Variants in MND1 observed in about 807,000 individuals in gnomAD.
MND1 encodes meiotic nuclear division protein 1 homolog.
Under a neutral mutation model 35.1 loss-of-function variants are expected in MND1, and 28 were observed. The observed-to-expected ratio is 0.80, with a 90% confidence interval of 0.59 to 1.09. MND1 has a LOEUF of 1.09. Among genes scored for constraint, MND1 ranks in the 50% least tolerant of loss-of-function variants. The pLI, the probability that MND1 is intolerant of heterozygous loss-of-function variation, is 0.00. For synonymous variants in MND1, 69 were observed against 70.5 expected (o/e 0.98, Z 0.11); for missense variants, 213 against 239.6 (o/e 0.89, Z 0.73).
intron 4 of MND1, among the ~76,000 whole-genome samples, chr4:153,376,031 A>G (rs2149642966): frequency 6.6e-6 from 1 of 152,284 alleles, no homozygotes; most frequent in South Asian, 2.1e-4. Flanking sequence ...CTCCTGAAAT[A>G]TATGTAAATT....
chr4:153,379,516 G>A (rs1163247507), intron 4 of MND1, among the ~76,000 whole-genome samples: 1 of 151,570 alleles, frequency 6.6e-6, no homozygotes, highest in Non-Finnish European at 1.5e-5. Context: ...CAGCTTGACC[G>A]TGATAGCAAG....
At chr4:153,356,457 G>A (rs1304860156) in intron 3 of MND1, among the ~76,000 whole-genome samples, 2 of 147,002 alleles carry the variant, frequency 1.4e-5, no homozygotes, top group Non-Finnish European at 3.0e-5. Flanking sequence ...GGAGGCTGAG[G>A]CAGGAGAATG....
intron 4 of MND1, among the ~76,000 whole-genome samples, chr4:153,373,173 C>T (rs1773833281): frequency 6.6e-6 from 1 of 151,750 alleles, no homozygotes; most frequent in Non-Finnish European, 1.5e-5. Flanking sequence ...GTGTCTAGAC[C>T]ATTTACATTT....
intron 4 of MND1, among the ~76,000 whole-genome samples, chr4:153,377,172 TA>T (rs1450367811): frequency 1.3e-5 from 2 of 152,184 alleles, no homozygotes; most frequent in African/African-American, 2.4e-5. Context: ...ACATATTTTT[TA>T]GGGATTGGCT....
At chr4:153,376,992 C>G (rs1728528776) in intron 4 of MND1, among the ~76,000 whole-genome samples, 1 of 152,176 alleles carries the variant, frequency 6.6e-6, no homozygotes, top group Non-Finnish European at 1.5e-5. Flanking sequence ...ATTAATATGG[C>G]AGCAAGTCTA....
At chr4:153,348,033 A>G (rs1207900041) in intron 1 of MND1, among the ~76,000 whole-genome samples, 2 of 152,212 alleles carry the variant, frequency 1.3e-5, no homozygotes, top group Non-Finnish European at 2.9e-5. Flanking sequence ...ATGTTTTCCC[A>G]GTGCGGAATG....
At chr4:153,355,358 AT>A (rs982970368) in intron 2 of MND1, among the ~76,000 whole-genome samples, 3 of 152,152 alleles carry the variant, frequency 2.0e-5, no homozygotes, top group African/African-American at 7.2e-5. Context: ...GTATATATAA[AT>A]ATGTAGTAGA....
intron 2 of MND1, 129 bp downstream of exon 2, chr4:153,350,258 C>T (rs1773182212): frequency 1.6e-6 from 1 of 640,044 alleles, no homozygotes; most frequent in East Asian, 2.8e-5. Context: ...GGGTAAGATT[C>T]TGCAAATATT....
intron 1 of MND1, among the ~76,000 whole-genome samples, chr4:153,346,062 G>C (rs575386323): frequency 6.6e-6 from 1 of 152,302 alleles, no homozygotes; most frequent in Non-Finnish European, 1.5e-5. Flanking sequence ...TAAAGCTTTT[G>C]ATAAGATGTG....
chr4:153,397,652 A>AC (rs1729234958), intron 6 of MND1, among the ~76,000 whole-genome samples: 1 of 134,848 alleles, frequency 7.4e-6, no homozygotes, highest in Non-Finnish European at 1.6e-5. Context: ...TCCCATCTCT[A>AC]CAAAAAAAAA....
chr4:153,360,744 TATATACACATATATACACACATATAC>T (rs1197160941), intron 4 of MND1, among the ~76,000 whole-genome samples: 1 of 147,550 alleles, frequency 6.8e-6, no homozygotes, highest in Non-Finnish European at 1.5e-5. Context: ...TGTGTATATG[TATATACACATATATACACACATATAC>T]ATATACACAT....
At chr4:153,412,644 G>A (rs1471303025) in intron 7 of MND1, among the ~76,000 whole-genome samples, 14 of 143,964 alleles carry the variant, frequency 9.7e-5, no homozygotes, top group East Asian at 6.4e-4. Flanking sequence ...CACCATGCCC[G>A]GCTAATTTTT....
chr4:153,371,031 GTATATC>G (rs969629410), intron 4 of MND1, among the ~76,000 whole-genome samples: 37 of 152,170 alleles, frequency 2.4e-4, no homozygotes, highest in African/African-American at 8.7e-4. Context: ...TAATCTCCTT[GTATATC>G]TTCCTCAGAG....
At chr4:153,393,175 A>AT (rs1387696338) in intron 4 of MND1, among the ~76,000 whole-genome samples, 2 of 152,008 alleles carry the variant, frequency 1.3e-5, no homozygotes, top group South Asian at 2.1e-4. Flanking sequence ...ACAGGCTAAC[A>AT]TTTTTTTCTT....
intron 6 of MND1, among the ~76,000 whole-genome samples, chr4:153,400,420 G>A (rs1283673293): frequency 6.6e-6 from 1 of 152,126 alleles, no homozygotes; most frequent in African/African-American, 2.4e-5. Context: ...AGGCACAGTG[G>A]CTCATGCCTG....
At position 153,344,696 on chromosome 4, in the gene MND1, C is replaced by T. The variant is rs1773024931; in HGVS notation, c.-42C>T. 2 of 1,567,778 alleles carry T rather than the reference C, an allele frequency of 1.3e-6. No individual in the cohort carries two copies. The highest frequency in any genetic ancestry group is 1.5e-5 in the African/African-American group (1 of 68,154). On this transcript the variant is annotated 5_prime_UTR_variant, in exon 1 of 8. Transcript: ENST00000240488. ...GTCCTGGCCTGTCCCGCCCCTCTCC[C>T]CAAGCGCGGGCCCGGCCAGCGGAAG...
chr4:153,394,870 A>G (rs1367746462), intron 5 of MND1, among the ~76,000 whole-genome samples: 1 of 152,128 alleles, frequency 6.6e-6, no homozygotes, highest in Non-Finnish European at 1.5e-5. Context: ...AAAGTACAAT[A>G]TTTTTCTAAG....
chr4:153,376,938 G>A (rs1314459711), intron 4 of MND1, among the ~76,000 whole-genome samples: 1 of 152,204 alleles, frequency 6.6e-6, no homozygotes, highest in Non-Finnish European at 1.5e-5. Flanking sequence ...TAAAGGGTAT[G>A]AAGTTATTCT....
chr4:153,396,857 T>C lies in MND1; in HGVS notation c.352-362T>C, dbSNP rs150145774. ...TGTCTTAAAATGTTACTTACACATA[T>C]AGACATAATCTTGTGAAACTACTCA... is the stretch of plus-strand genomic sequence containing the variant. On this transcript the variant is annotated intron_variant, in intron 5 of 7. Coordinates refer to ENST00000240488, the MANE Select transcript of MND1 (RefSeq NM_032117.4). Among the ~76,000 whole-genome samples the C allele has an allele frequency of 3.1e-3, 468 of 152,304 alleles. 3 individuals carry two copies. The highest frequency in any genetic ancestry group is 5.1e-3 in the Non-Finnish European group (346 of 68,016).
Sources: allele counts gnomAD v4.1 joint callset (sites outside exome capture counted in the v4.1 genomes callset), GRCh38; gene constraint gnomAD v4.1.1; transcripts MANE v1.5; gene names NCBI Gene and HGNC (gene_info 2026-07-23, HGNC 2026-07-21).